BTRC: variants seen among roughly 807,000 people sequenced by gnomAD.
The protein encoded by BTRC is beta-transducin repeat containing E3 ubiquitin protein ligase, also known as F-box/WD repeat-containing protein 1A.
BTRC carries 42 observed loss-of-function variants against 85.5 expected under a neutral mutation model. The observed-to-expected ratio is 0.49, with a 90% CI of 0.38 to 0.64. The LOEUF (loss-of-function observed/expected upper bound fraction) is 0.64. BTRC is among the 30% of genes least tolerant of loss of function. The probability of loss-of-function intolerance (pLI) is 0.00; values close to 1 mark genes in which losing one functional copy is unlikely to be tolerated. For missense variants in BTRC, 594 were observed against 743.5 expected (o/e 0.80, Z 2.34); for synonymous variants, 255 against 263.3 (o/e 0.97, Z 0.30).
intron 4 of BTRC, among the ~76,000 whole-genome samples, chr10:101,486,344 G>A (rs1375948035): frequency 6.6e-6 from 1 of 152,112 alleles, no homozygotes; most frequent in Non-Finnish European, 1.5e-5. Context: ...TCGGCTGGGG[G>A]CTTGTAATTG....
rs1049738190 is a variant in BTRC, at chr10:101,554,066, G to C, written c.*943G>C. The stretch of plus-strand genomic sequence containing the variant: ...GATTGGTGGTAGGGGGCAGGCAGAG[G>C]GGGTGGGGAGAAGTTTCCTGGGCTC... On this transcript the variant is annotated 3_prime_UTR_variant, in exon 15 of 15. Coordinates refer to ENST00000370187, the MANE Select transcript of BTRC (RefSeq NM_033637.4). 1.3e-5 allele frequency: 2 copies of C among 152,210 alleles called. No individual in the cohort carries two copies. Among genetic ancestry groups the C allele is most frequent in the Admixed American group, 6.5e-5 (1 of 15,286 alleles). 9.4% of individuals were successfully genotyped at this position (152,210 alleles called of 1,614,324 possible). A position where few individuals can be genotyped will look rare whatever the true frequency, so the allele number is the denominator to read the frequency against.
intron 1 of BTRC, among the ~76,000 whole-genome samples, chr10:101,375,412 G>A (rs1170865851): frequency 1.3e-5 from 2 of 152,166 alleles, no homozygotes; most frequent in African/African-American, 4.8e-5. Flanking sequence ...TACGCTTCTT[G>A]TACAGCCTGC....
intron 6 of BTRC, among the ~76,000 whole-genome samples, chr10:101,530,811 G>C (rs2062268521): frequency 6.6e-6 from 1 of 152,180 alleles, no homozygotes; most frequent in East Asian, 1.9e-4. Flanking sequence ...CTCCTCCGCA[G>C]ACAGCTATGG....
chr10:101,426,061 G>A (rs1423195136), intron 1 of BTRC, among the ~76,000 whole-genome samples: 1 of 152,162 alleles, frequency 6.6e-6, no homozygotes, highest in Non-Finnish European at 1.5e-5. Context: ...AATAAGGATA[G>A]TAACCAAAAT....
intron 1 of BTRC, among the ~76,000 whole-genome samples, chr10:101,406,615 C>T (rs1036781624): frequency 1.4e-5 from 2 of 142,694 alleles, no homozygotes; most frequent in East Asian, 2.2e-4. Context: ...GCTCACTGCA[C>T]CTCCACCTCC....
In BTRC at chr10:101,517,909, C is replaced by CTTT. The variant is rs142382301; in HGVS notation, c.325-3711_325-3709dup. Among the ~76,000 whole-genome samples the CTTT allele has an allele frequency of 1.2e-3, 138 of 116,118 alleles. 1 individual carries two copies. The highest frequency in any genetic ancestry group is 3.4e-3 in the African/African-American group (111 of 33,050). 76.2% of individuals were successfully genotyped at this position (116,118 alleles called of 152,430 possible). ...CTTCCATGGACTGTTGAAGTAGTGT[C>CTTT]TTTTTTTTTTTTTTTTTTTTTGAGA... On this transcript the variant is annotated intron_variant, in intron 4 of 14. Transcript: ENST00000370187.
chr10:101,538,334 G>A lies in BTRC; in HGVS notation c.1619G>A (p.Arg540His), dbSNP rs760843942. The A allele has an allele frequency of 7.4e-6, 12 of 1,613,934 alleles. No individual in the cohort carries two copies. The highest frequency in any genetic ancestry group is 4.0e-5 in the African/African-American group (3 of 74,888). ...VWDLVAALDP[R>H]APAGTLCLRT... ...GATCTTGTGGCTGCTTTGGACCCCC[G>A]TGCTCCTGCAGGGACACTCTGTCTA... The change falls in exon 13 of 15, where the codon CGT (arginine) becomes CAT (histidine). Residue 540 changes from arginine (R) to histidine (H), a missense_variant. Transcript: ENST00000370187.
intron 1 of BTRC, among the ~76,000 whole-genome samples, chr10:101,393,013 G>T (rs1293369888): frequency 1.3e-5 from 2 of 152,082 alleles, no homozygotes; most frequent in African/African-American, 2.4e-5. Context: ...CCCCAGGGCA[G>T]GACTCTAATC....
At chr10:101,355,631 C>G (rs1942012808) in intron 1 of BTRC, among the ~76,000 whole-genome samples, 1 of 152,160 alleles carries the variant, frequency 6.6e-6, no homozygotes, top group Non-Finnish European at 1.5e-5. Context: ...CACTCCAAAT[C>G]TTACTCCTTT....
At chr10:101,478,374 T>C (rs1945746690) in intron 3 of BTRC, among the ~76,000 whole-genome samples, 1 of 152,198 alleles carries the variant, frequency 6.6e-6, no homozygotes, top group African/African-American at 2.4e-5. Context: ...ATTTCTCTTT[T>C]CTTTTTAAAG....
At chr10:101,438,990 A>G (rs1299418384) in intron 2 of BTRC, among the ~76,000 whole-genome samples, 2 of 152,224 alleles carry the variant, frequency 1.3e-5, no homozygotes, top group East Asian at 1.9e-4. Context: ...AATAGAAGCC[A>G]GAGCATGTGG....
intron 13 of BTRC, among the ~76,000 whole-genome samples, chr10:101,547,267 C>G (rs879439247): frequency 1.2e-4 from 18 of 148,824 alleles, no homozygotes; most frequent in Non-Finnish European, 2.4e-4. Flanking sequence ...CACACCATTT[C>G]TAGCCTGGGT....
intron 4 of BTRC, among the ~76,000 whole-genome samples, chr10:101,506,594 G>T (rs149941540): frequency 2.6e-4 from 40 of 152,240 alleles, no homozygotes; most frequent in African/African-American, 9.4e-4. Context: ...TAACAGTCAT[G>T]CTGTACCAAG....
chr10:101,524,155 A>G (rs1301518063), intron 5 of BTRC, among the ~76,000 whole-genome samples: 2 of 152,192 alleles, frequency 1.3e-5, no homozygotes, highest in African/African-American at 4.8e-5. Context: ...AGAAGTACCT[A>G]TTTATATCTT....
intron 1 of BTRC, among the ~76,000 whole-genome samples, chr10:101,380,611 A>G (rs1015818952): frequency 6.6e-6 from 1 of 152,178 alleles, no homozygotes; most frequent in African/African-American, 2.4e-5. Context: ...TCTCTTGTTC[A>G]TGCATTCTGT....
At chr10:101,429,329 T>G (rs1244749261) in intron 1 of BTRC, among the ~76,000 whole-genome samples, 3 of 152,168 alleles carry the variant, frequency 2.0e-5, no homozygotes, top group Admixed American at 2.0e-4. Flanking sequence ...GCTGCAATAA[T>G]ACTAATGTCA....
At chr10:101,520,108 A>G (rs547250584) in intron 4 of BTRC, among the ~76,000 whole-genome samples, 2 of 151,884 alleles carry the variant, frequency 1.3e-5, no homozygotes, top group Admixed American at 6.6e-5. Flanking sequence ...CACTACCTAC[A>G]TTATATTTTC....
intron 1 of BTRC, among the ~76,000 whole-genome samples, chr10:101,363,447 T>A (rs1209639288): frequency 1.3e-5 from 2 of 150,282 alleles, no homozygotes; most frequent in Non-Finnish European, 3.0e-5. Flanking sequence ...AAGTTCGTTT[T>A]TGTTTTTGTT....
At chr10:101,477,565 C>T (rs9420826) in intron 3 of BTRC, among the ~76,000 whole-genome samples, 56,264 of 151,970 alleles carry the variant, frequency 0.37, 11,602 homozygotes, top group Middle Eastern at 0.49. Context: ...TCCCCTGCCT[C>T]GGCCTCCCAA....
Sources: gnomAD v4.1 joint callset for allele counts (sites outside exome capture counted in the v4.1 genomes callset) on GRCh38, gnomAD v4.1.1 for gene constraint, MANE v1.5 for transcripts, NCBI Gene and HGNC (gene_info 2026-07-23, HGNC 2026-07-21) for gene names.